Variants in CDH18 observed in about 807,000 individuals in gnomAD.
CDH18 encodes cadherin-18.
In CDH18, 31 loss-of-function variants were observed where a neutral mutation model predicts 67.9. The observed-to-expected ratio is 0.46, with a 90% CI of 0.34 to 0.62. CDH18 has a LOEUF of 0.62. CDH18 is among the 20% of genes least tolerant of loss of function. The pLI is 0.01. For missense variants in CDH18, 890 were observed against 975.5 expected (o/e 0.91, Z 1.17); for synonymous variants, 362 against 347.2 (o/e 1.04, Z -0.48).
intron 1 of CDH18, chr5:20,305,462 C>T (rs1168773627): frequency 7.0e-7 from 1 of 1,423,492 alleles, no homozygotes; most frequent in Non-Finnish European, 9.9e-7. Flanking sequence ...TTCGAACCTC[C>T]TCAGCGGCCG....
chr5:20,489,494 T>TA (rs1338430508), intron 1 of CDH18, among the ~76,000 whole-genome samples: 2 of 152,090 alleles, frequency 1.3e-5, no homozygotes, highest in Admixed American at 1.3e-4. Flanking sequence ...TTTTTCTTTG[T>TA]AAAAAATGAT....
chr5:19,998,158 T>C (rs1472199419), intron 2 of CDH18, among the ~76,000 whole-genome samples: 1 of 152,188 alleles, frequency 6.6e-6, no homozygotes, highest in Non-Finnish European at 1.5e-5. Context: ...GCTGGCAAAG[T>C]GGCCAAGCTT....
rs796730332 is a variant in CDH18, at chr5:19,755,446, T to C, written c.229-8210A>G. 9.2e-3 allele frequency among the ~76,000 whole-genome samples: 97 copies of C among 10,590 alleles called. 11 individuals are homozygous for C. Among genetic ancestry groups the C allele is most frequent in the East Asian group, 0.33 (2 of 6 alleles). 6.9% of individuals were successfully genotyped at this position (10,590 alleles called of 152,430 possible). A position where few individuals can be genotyped will look rare whatever the true frequency, so the allele number is the denominator to read the frequency against. On this transcript the variant is annotated intron_variant, in intron 3 of 12. Transcript: ENST00000382275. ...AACAGGGTATGTATATATATATATA[T>C]ATATATATATATACACACACACACA...
chr5:20,378,175 C>T (rs1743615464), intron 1 of CDH18, among the ~76,000 whole-genome samples: 1 of 152,014 alleles, frequency 6.6e-6, no homozygotes, highest in African/African-American at 2.4e-5. Context: ...TCGTTTCTTT[C>T]TTTCTTTTTC....
At chr5:19,740,426 G>C (rs563662842) in intron 4 of CDH18, among the ~76,000 whole-genome samples, 1 of 151,982 alleles carries the variant, frequency 6.6e-6, no homozygotes, top group Non-Finnish European at 1.5e-5. Context: ...AGTTAATACA[G>C]TTATAGAAAC....
intron 10 of CDH18, among the ~76,000 whole-genome samples, chr5:19,507,699 G>C (rs181636696): frequency 1.3e-5 from 2 of 152,100 alleles, no homozygotes; most frequent in Non-Finnish European, 2.9e-5. Context: ...GGTTGGAATT[G>C]AACAATGAGA....
At chr5:20,045,590 T>C (rs932601042) in intron 2 of CDH18, among the ~76,000 whole-genome samples, 9 of 151,836 alleles carry the variant, frequency 5.9e-5, no homozygotes, top group Non-Finnish European at 1.0e-4. Context: ...TATATATATA[T>C]ATATGAAAAA....
intron 2 of CDH18, among the ~76,000 whole-genome samples, chr5:20,017,395 T>C (rs1439706870): frequency 1.3e-5 from 2 of 152,132 alleles, no homozygotes; most frequent in Non-Finnish European, 2.9e-5. Context: ...CCTTTTCCCA[T>C]TGAGGAAATA....
chr5:19,853,808 A>C (rs888054811), intron 2 of CDH18, among the ~76,000 whole-genome samples: 3 of 152,100 alleles, frequency 2.0e-5, no homozygotes, highest in African/African-American at 7.2e-5. Flanking sequence ...ACTGAAAGCA[A>C]TCTCTCTCTG....
chr5:20,179,411 G>C (rs1580416876), intron 2 of CDH18, among the ~76,000 whole-genome samples: 1 of 152,128 alleles, frequency 6.6e-6, no homozygotes, highest in South Asian at 2.1e-4. Flanking sequence ...TTTTTCAGAA[G>C]TTTGGGATTA....
rs1398099156 is a variant in CDH18 at position 20,575,264 on chromosome 5, C to T, written c.-580+198G>A. Among the ~76,000 whole-genome samples the T allele has an allele frequency of 1.0e-4, 15 of 146,480 alleles. No homozygotes were observed. The South Asian group carries it at 2.9e-3, about 29-fold the overall frequency. Reference sequence around the variant, plus strand: ...CTTATTTTTGAAAAAAAAATCTGTACCTGGAGATATTTTTTAAATGCAAAT... The same window carrying T: ...CTTATTTTTGAAAAAAAAATCTGTATCTGGAGATATTTTTTAAATGCAAAT... On this transcript the variant is annotated intron_variant, in intron 1 of 14. Coordinates refer to the CDH18 transcript ENST00000507958.
intron 6 of CDH18, 35 bp downstream of exon 6, chr5:19,612,399 A>C: frequency 6.3e-7 from 1 of 1,595,396 alleles, no homozygotes; most frequent in Non-Finnish European, 8.6e-7. Context: ...TAAAGAGATA[A>C]TGATAAATTC....
chr5:20,545,964 T>G (rs907850765), intron 1 of CDH18, among the ~76,000 whole-genome samples: 12 of 152,176 alleles, frequency 7.9e-5, no homozygotes, highest in Non-Finnish European at 1.2e-4. Flanking sequence ...TAACTGAACA[T>G]TTTCAGAATC....
At chr5:19,748,057 G>T (rs1359872812) in intron 3 of CDH18, among the ~76,000 whole-genome samples, 1 of 127,312 alleles carries the variant, frequency 7.9e-6, no homozygotes, top group African/African-American at 2.9e-5. Flanking sequence ...AGCTTGCAGT[G>T]AGCCGAGATC....
intron 5 of CDH18, among the ~76,000 whole-genome samples, chr5:19,616,126 C>A (rs763058248): frequency 1.1e-4 from 17 of 152,002 alleles, no homozygotes; most frequent in Admixed American, 6.6e-4. Context: ...GGGAAAATGG[C>A]AAACATTTAT....
chr5:19,641,434 C>T (rs1341564023), intron 5 of CDH18, among the ~76,000 whole-genome samples: 4 of 151,906 alleles, frequency 2.6e-5, no homozygotes, highest in Admixed American at 6.5e-5. Context: ...TAGATGCAAA[C>T]GTCTTTAATA....
intron 2 of CDH18, among the ~76,000 whole-genome samples, chr5:20,010,651 C>T (rs1295797549): frequency 6.6e-6 from 1 of 152,156 alleles, no homozygotes; most frequent in Non-Finnish European, 1.5e-5. Context: ...ATTAACCATA[C>T]TTTTCTTAAG....
intron 2 of CDH18, among the ~76,000 whole-genome samples, chr5:19,922,548 C>A (rs1452055970): frequency 6.6e-6 from 1 of 152,112 alleles, no homozygotes; most frequent in African/African-American, 2.4e-5. Context: ...TGAAAATCAA[C>A]CCAAACCTCC....
chr5:20,000,084 G>A (rs1277298821), intron 2 of CDH18, among the ~76,000 whole-genome samples: 1 of 151,176 alleles, frequency 6.6e-6, no homozygotes, highest in Non-Finnish European at 1.5e-5. Context: ...GTGAGGGGGT[G>A]GGAGGCAGTA....
Sources: allele counts gnomAD v4.1 joint callset (sites outside exome capture counted in the v4.1 genomes callset), GRCh38; gene constraint gnomAD v4.1.1; transcripts MANE v1.5; gene names NCBI Gene and HGNC (gene_info 2026-07-23, HGNC 2026-07-21).